The following ADCY8 variants were observed in gnomAD, a reference collection of about 807,000 sequenced individuals.
The protein encoded by ADCY8 is adenylate cyclase 8.
In ADCY8, 51 loss-of-function variants were observed where a neutral mutation model predicts 119.7. That is an observed-to-expected ratio of 0.43 (90% CI 0.34 to 0.54). The LOEUF (loss-of-function observed/expected upper bound fraction) is 0.54. ADCY8 is among the 20% of genes least tolerant of loss of function. ADCY8 has a pLI of 0.03. For synonymous variants in ADCY8, 665 were observed against 651.0 expected, an observed-to-expected ratio of 1.02 and a Z score of -0.33; for missense variants, 1,383 against 1,598.8, an observed-to-expected ratio of 0.87 and a Z score of 2.30.
intron 15 of ADCY8, among the ~76,000 whole-genome samples, chr8:130,786,537 C>G (rs1815253876): frequency 6.6e-6 from 1 of 152,150 alleles, no homozygotes; most frequent in Non-Finnish European, 1.5e-5. Context: ...GGATTTCTGA[C>G]CTCCAAACAG....
At chr8:131,036,626 A>G (rs770001125) in intron 1 of ADCY8, among the ~76,000 whole-genome samples, 2 of 152,186 alleles carry the variant, frequency 1.3e-5, no homozygotes, top group Non-Finnish European at 2.9e-5. Flanking sequence ...AGATAATTTC[A>G]GATAGCAGAT....
At chr8:130,998,038 T>C (rs938729781) in intron 1 of ADCY8, among the ~76,000 whole-genome samples, 9 of 152,162 alleles carry the variant, frequency 5.9e-5, no homozygotes, top group African/African-American at 2.2e-4. Flanking sequence ...TGAAATTATT[T>C]ATGGAACGAG....
intron 17 of ADCY8, among the ~76,000 whole-genome samples, chr8:130,782,570 A>C (rs1049960653): frequency 6.6e-6 from 1 of 152,236 alleles, no homozygotes; most frequent in Non-Finnish European, 1.5e-5. Context: ...TGATTTGGCA[A>C]CATCTTCAGA....
intron 1 of ADCY8, among the ~76,000 whole-genome samples, chr8:131,038,736 C>T (rs568609941): frequency 6.6e-6 from 1 of 152,268 alleles, no homozygotes; most frequent in Admixed American, 6.5e-5. Context: ...ATTCAAAGCA[C>T]TGGGGTCGCA....
At chr8:130,996,018 G>A (rs1038937120) in intron 1 of ADCY8, among the ~76,000 whole-genome samples, 1 of 152,028 alleles carries the variant, frequency 6.6e-6, no homozygotes, top group Non-Finnish European at 1.5e-5. Context: ...ATGAATGGGT[G>A]AATAGCTTTC....
chr8:130,990,664 C>A (rs1172709475), intron 1 of ADCY8, 122 bp from the exon 2 acceptor site: 10 of 1,286,306 alleles, frequency 7.8e-6, no homozygotes, highest in Non-Finnish European at 9.6e-6. Flanking sequence ...TATGTTTAAT[C>A]GCATGTTTGT....
intron 12 of ADCY8, among the ~76,000 whole-genome samples, chr8:130,833,105 A>T (rs145501264): frequency 6.6e-6 from 1 of 152,202 alleles, no homozygotes; most frequent in Admixed American, 6.5e-5. Context: ...ATCCATGGCC[A>T]CTAACCATCT....
rs538482427 is a variant in ADCY8, at chr8:130,916,150, C to T, written c.1482-6284G>A. On this transcript the variant is annotated intron_variant, in intron 5 of 17. Transcript: ENST00000286355. ...TGATGGACTAGTTAGAATTTCACCCCGGGTGTATAAGCCTGAACCCATTGG... is the reference window on the plus strand; with the variant it reads ...TGATGGACTAGTTAGAATTTCACCCTGGGTGTATAAGCCTGAACCCATTGG... 4.6e-5 allele frequency among the ~76,000 whole-genome samples: 7 copies of T among 152,276 alleles called. No individual in the cohort carries two copies. The South Asian group carries it at 1.5e-3, about 32-fold the overall frequency.
chr8:130,864,333 A>C (rs1818041330), intron 9 of ADCY8, among the ~76,000 whole-genome samples: 1 of 152,172 alleles, frequency 6.6e-6, no homozygotes, highest in Admixed American at 6.5e-5. Flanking sequence ...TTATTTAACC[A>C]AAGTATTTAA....
intron 7 of ADCY8, among the ~76,000 whole-genome samples, chr8:130,897,649 T>C (rs1029550450): frequency 1.6e-3 from 1 of 628 alleles, no homozygotes; most frequent in Admixed American, 0.014. Flanking sequence ...GGTGAGCAAG[T>C]GACCCACATA....
intron 8 of ADCY8, 100 bp from the exon 9 acceptor site, chr8:130,868,046 T>TA (rs1372652158): frequency 1.5e-5 from 11 of 710,100 alleles, no homozygotes; most frequent in Admixed American, 5.8e-5. Context: ...AGATTTTTTT[T>TA]AAATTAAGAA....
In ADCY8 at chr8:130,874,163, C is replaced by T. The variant is rs538998999; in HGVS notation, c.2110-6217G>A. ...TCTCTGCTAAAAATACAAAAATTAG[C>T]TGGGTGTGGTGGTGTGCACCTGTAG... On this transcript the variant is annotated intron_variant, in intron 8 of 17. Coordinates refer to ENST00000286355, the MANE Select transcript of ADCY8 (RefSeq NM_001115.3). 3.9e-5 allele frequency among the ~76,000 whole-genome samples: 6 copies of T among 151,996 alleles called. No homozygotes were observed. In the South Asian group the frequency reaches 1.3e-3, roughly 32 times the overall value.
chr8:130,880,402 C>T (rs954527055), intron 8 of ADCY8, among the ~76,000 whole-genome samples: 3 of 152,094 alleles, frequency 2.0e-5, no homozygotes, highest in African/African-American at 7.2e-5. Flanking sequence ...AAGAAAATAT[C>T]CAATAAGAAA....
intron 12 of ADCY8, among the ~76,000 whole-genome samples, chr8:130,833,812 C>A (rs1304858202): frequency 6.6e-6 from 1 of 152,064 alleles, no homozygotes; most frequent in Admixed American, 6.6e-5. Flanking sequence ...TGCATGTTAT[C>A]ATTTATATAT....
intron 1 of ADCY8, among the ~76,000 whole-genome samples, chr8:131,001,128 C>T (rs554891944): frequency 3.9e-4 from 60 of 152,196 alleles, no homozygotes; most frequent in African/African-American, 1.4e-3. Context: ...AGCTAAGGCC[C>T]TGAGAGTAAT....
rs904859989 is a variant in ADCY8, at chr8:130,807,792, G to A, written c.2913+6277C>T. On this transcript the variant is annotated intron_variant, in intron 14 of 17. Coordinates refer to ENST00000286355, the MANE Select transcript of ADCY8 (RefSeq NM_001115.3). ...GAGGTCAGGAGATCGAGACCATCCC[G>A]GCTAAAACGGTGAAACCCTGTCTCT... is the stretch of plus-strand genomic sequence containing the variant. Among the ~76,000 whole-genome samples, 9 of 151,192 alleles carry A rather than the reference G, an allele frequency of 6.0e-5. No homozygotes were observed. In the East Asian group the frequency reaches 1.4e-3, roughly 23 times the overall value.
chr8:130,804,284 TGTC>T (rs1815875222), intron 14 of ADCY8, among the ~76,000 whole-genome samples: 1 of 152,200 alleles, frequency 6.6e-6, no homozygotes, highest in African/African-American at 2.4e-5. Context: ...AGGTTGGTGT[TGTC>T]AGAGGGCTTT....
chr8:130,782,314 C>T (rs1485211554), intron 17 of ADCY8, among the ~76,000 whole-genome samples: 1 of 152,100 alleles, frequency 6.6e-6, no homozygotes, highest in Non-Finnish European at 1.5e-5. Context: ...GCCAATATCC[C>T]ATTTGATTCT....
intron 13 of ADCY8, 72 bp downstream of exon 13, chr8:130,821,270 G>T: frequency 7.6e-7 from 1 of 1,310,290 alleles, no homozygotes; most frequent in Non-Finnish European, 1.1e-6. Context: ...GCTGCAAAGA[G>T]CAGCAGAGGC....
Sources: allele counts gnomAD v4.1 joint callset (sites outside exome capture counted in the v4.1 genomes callset), GRCh38; gene constraint gnomAD v4.1.1; transcripts MANE v1.5; gene names NCBI Gene and HGNC (gene_info 2026-07-23, HGNC 2026-07-21).